RMND5A: variants seen among roughly 807,000 people sequenced by gnomAD.
The protein encoded by RMND5A is E3 ubiquitin-protein transferase RMND5A.
Under a neutral mutation model 49.7 loss-of-function variants are expected in RMND5A, and 17 were observed. The observed-to-expected ratio is 0.34, with a 90% CI of 0.23 to 0.51. The LOEUF (loss-of-function observed/expected upper bound fraction) is 0.51, where lower values mean the gene tolerates loss of function less well. RMND5A is among the 20% of genes least tolerant of loss of function. The pLI, the probability that RMND5A is intolerant of heterozygous loss-of-function variation, is 0.96. For missense variants in RMND5A, 255 were observed against 471.3 expected (o/e 0.54, Z 4.25); for synonymous variants, 156 against 167.7 (o/e 0.93, Z 0.54).
Position 86,757,130 on chromosome 2 carries a change from C to T in RMND5A, c.521+3572C>T, listed in dbSNP as rs187235231. Among the ~76,000 whole-genome samples, 804 of 140,862 alleles carry T rather than the reference C, an allele frequency of 5.7e-3. 6 individuals carry two copies. Among genetic ancestry groups the T allele is most frequent in the Middle Eastern group, 0.024 (6 of 254 alleles). The allele number at this position is 140,862 out of a possible 152,430, so 92.4% of individuals were successfully genotyped here. ...CGGAGGTTGCGGTGAGCCAAGATCG[C>T]GCCACTGCACTCCAGCCTGGGCAAC... is the stretch of plus-strand genomic sequence containing the variant. On this transcript the variant is annotated intron_variant, in intron 4 of 8. Coordinates refer to ENST00000283632, the MANE Select transcript of RMND5A (RefSeq NM_022780.4).
intron 2 of RMND5A, among the ~76,000 whole-genome samples, chr2:86,747,515 C>A (rs1681558171): frequency 6.6e-6 from 1 of 152,270 alleles, no homozygotes; most frequent in East Asian, 1.9e-4. Context: ...CACTGCTAAA[C>A]CAGATTAACT....
Position 86,778,017 on chromosome 2 carries a change from TAAAG to T in RMND5A, c.*4610_*4613del, listed in dbSNP as rs1027013395. On this transcript the variant is annotated 3_prime_UTR_variant, in exon 9 of 9. Coordinates refer to ENST00000283632, the MANE Select transcript of RMND5A (RefSeq NM_022780.4). ...TTTTCCTGTGTATATTTTTAAAAATTAAAGAAATGCACATTTAAAAAGTGTTTTG... is the reference window on the plus strand; with the variant it reads ...TTTTCCTGTGTATATTTTTAAAAATTAAATGCACATTTAAAAAGTGTTTTG... 1.1e-4 allele frequency: 16 copies of T among 152,182 alleles called. No homozygotes were observed. Among genetic ancestry groups the T allele is most frequent in the African/African-American group, 2.4e-4 (10 of 41,428 alleles). The allele number at this position is 152,182 out of a possible 1,614,324, so 9.4% of individuals were successfully genotyped here.
intron 4 of RMND5A, among the ~76,000 whole-genome samples, chr2:86,760,824 C>T (rs1573442137): frequency 6.6e-6 from 1 of 152,266 alleles, no homozygotes; most frequent in South Asian, 2.1e-4. Context: ...GCTAATGGTA[C>T]AAAGCATATT....
chr2:86,768,211 A>G (rs1672631817), intron 6 of RMND5A, among the ~76,000 whole-genome samples: 1 of 152,250 alleles, frequency 6.6e-6, no homozygotes, highest in South Asian at 2.1e-4. Flanking sequence ...TTAAGCATAT[A>G]AAGGGGTCCT....
Position 86,732,281 on chromosome 2 carries a change from A to G in RMND5A, c.143-8646A>G, listed in dbSNP as rs1008305448. On this transcript the variant is annotated intron_variant, in intron 1 of 8. Coordinates refer to ENST00000283632, the MANE Select transcript of RMND5A (RefSeq NM_022780.4). ...CCAGCTGTTTAGTTTTAGCAATGCTATCTTTAACAGTGTGTTTGTGCAGTT... is the reference window on the plus strand; with the variant it reads ...CCAGCTGTTTAGTTTTAGCAATGCTGTCTTTAACAGTGTGTTTGTGCAGTT... Among the ~76,000 whole-genome samples the G allele has an allele frequency of 3.4e-4, 51 of 150,050 alleles. 6 individuals are homozygous for G. The highest frequency in any genetic ancestry group is 1.2e-3 in the African/African-American group (49 of 39,472).
chr2:86,720,724 A>C lies in RMND5A; in HGVS notation c.57A>C (p.Ser19=), dbSNP rs2674824. The change falls in exon 1 of 9, where the codon TCA becomes TCC. Residue 19 remains serine (S), a synonymous_variant. Transcript: ENST00000283632. ...RELEKVLHKF[S]GYGQLCERGL... ...TGGAGAAGGTGCTGCACAAGTTCTC[A>C]GGCTACGGGCAGCTGTGCGAGCGCG... 5.7e-6 allele frequency: 9 copies of C among 1,584,858 alleles called. No homozygotes were observed. Among genetic ancestry groups the C allele is most frequent in the Non-Finnish European group, 7.7e-6 (9 of 1,167,560 alleles).
intron 8 of RMND5A, among the ~76,000 whole-genome samples, chr2:86,773,047 G>C (rs1672709114): frequency 6.6e-6 from 1 of 152,050 alleles, no homozygotes; most frequent in Non-Finnish European, 1.5e-5. Flanking sequence ...TAAACCTTTG[G>C]GAAAGAGAAA....
intron 7 of RMND5A, 83 bp downstream of exon 7, chr2:86,770,208 A>G: frequency 1.0e-6 from 1 of 982,498 alleles, no homozygotes; most frequent in Non-Finnish European, 1.6e-6. Context: ...TTACCTTTTA[A>G]CCAGGAAACA....
Position 86,751,876 on chromosome 2 carries a change from T to A in RMND5A, c.286-20T>A. ...TGAAAATAATCTATTTATGATTCCC[T>A]TTCTCTTTCTTTTCCCCAGAATTTT... On this transcript the variant is annotated intron_variant, in intron 2 of 8. Transcript: ENST00000283632. The A allele has an allele frequency of 6.2e-7, 1 of 1,607,194 alleles. No individual in the cohort carries two copies. Among genetic ancestry groups the A allele is most frequent in the Non-Finnish European group, 8.5e-7 (1 of 1,175,678 alleles).
Position 86,769,728 on chromosome 2 carries a change from G to A in RMND5A, c.855-295G>A, listed in dbSNP as rs148675319. On this transcript the variant is annotated intron_variant, in intron 6 of 8. Coordinates refer to ENST00000283632, the MANE Select transcript of RMND5A (RefSeq NM_022780.4). ...CTTTAACTGCATTTACCCCCATATT[G>A]GTGAGGTTTATTTAGAAAATTTAGA... Among the ~76,000 whole-genome samples, 278 of 151,414 alleles carry A rather than the reference G, an allele frequency of 1.8e-3. 1 individual carries two copies. The highest frequency in any genetic ancestry group is 1.8e-3 in the Non-Finnish European group (124 of 67,850).
chr2:86,752,431 T>G (rs1034849010), intron 3 of RMND5A, among the ~76,000 whole-genome samples: 1 of 152,244 alleles, frequency 6.6e-6, no homozygotes, highest in Non-Finnish European at 1.5e-5. Flanking sequence ...CAAATGAATT[T>G]CCAGCTAAAA....
intron 4 of RMND5A, among the ~76,000 whole-genome samples, chr2:86,763,692 C>G (rs553313923): frequency 6.6e-6 from 1 of 152,024 alleles, no homozygotes; most frequent in African/African-American, 2.4e-5. Flanking sequence ...AGGAGGATCA[C>G]TTGAGCCCGA....
At chr2:86,732,290 A>G (rs1681344323) in intron 1 of RMND5A, among the ~76,000 whole-genome samples, 1 of 150,202 alleles carries the variant, frequency 6.7e-6, no homozygotes, top group East Asian at 1.9e-4. Context: ...TATCTTTAAC[A>G]GTGTGTTTGT....
At position 86,770,532 on chromosome 2, in the gene RMND5A, G is replaced by A. The variant is rs74807311; in HGVS notation, c.957+407G>A. ...TCACGAGTTTGTGCTGGTTACATTT[G>A]CCAATAGAATAAGTATAGAGCTCTT... is the stretch of plus-strand genomic sequence containing the variant. On this transcript the variant is annotated intron_variant, in intron 7 of 8. Transcript: ENST00000283632. Among the ~76,000 whole-genome samples, 1,122 of 152,218 alleles carry A rather than the reference G, an allele frequency of 7.4e-3. 15 individuals carry two copies. Among genetic ancestry groups the A allele is most frequent in the African/African-American group, 0.026 (1,073 of 41,502 alleles).
intron 2 of RMND5A, among the ~76,000 whole-genome samples, chr2:86,743,892 C>T (rs1022041824): frequency 2.0e-5 from 3 of 151,118 alleles, no homozygotes; most frequent in Admixed American, 2.0e-4. Flanking sequence ...GGAGGAGAAT[C>T]GCTTGAACCT....
chr2:86,772,988 G>A (rs1045924623), intron 8 of RMND5A, among the ~76,000 whole-genome samples: 1 of 152,162 alleles, frequency 6.6e-6, no homozygotes, highest in African/African-American at 2.4e-5. Flanking sequence ...GCCCTTGAAT[G>A]GATTGTGTGA....
At chr2:86,749,192 G>A (rs1438979273) in intron 2 of RMND5A, among the ~76,000 whole-genome samples, 1 of 152,158 alleles carries the variant, frequency 6.6e-6, no homozygotes, top group Admixed American at 6.5e-5. Flanking sequence ...GTCATAGACA[G>A]CATAAAGATA....
intron 4 of RMND5A, among the ~76,000 whole-genome samples, chr2:86,763,446 G>C (rs1244441339): frequency 6.6e-6 from 1 of 152,174 alleles, no homozygotes; most frequent in Non-Finnish European, 1.5e-5. Context: ...TGGTACTGTT[G>C]ATTGATGTGG....
intron 3 of RMND5A, 91 bp downstream of exon 3, chr2:86,752,121 C>T (rs1391110595): frequency 8.8e-7 from 1 of 1,141,276 alleles, no homozygotes; most frequent in Non-Finnish European, 1.2e-6. Context: ...TTGAGTCTTC[C>T]TCTAGCTATA....
Sources: allele counts gnomAD v4.1 joint callset (sites outside exome capture counted in the v4.1 genomes callset), GRCh38; gene constraint gnomAD v4.1.1; transcripts MANE v1.5; gene names NCBI Gene and HGNC (gene_info 2026-07-23, HGNC 2026-07-21).